The following OR2J2 variants were observed in gnomAD, a reference collection of about 807,000 sequenced individuals.
OR2J2 encodes the protein olfactory receptor 2J2.
OR2J2 carries 13 observed loss-of-function variants against 16.9 expected under a neutral mutation model. The ratio of observed to expected loss-of-function variants is 0.77; its 90% CI spans 0.50 to 1.23. The LOEUF (loss-of-function observed/expected upper bound fraction) is 1.23, where lower values mean the gene tolerates loss of function less well. Ranked by LOEUF, OR2J2 falls within the 50% of genes most tolerant of loss-of-function variation. OR2J2 has a pLI of 0.00. For synonymous variants in OR2J2, 125 were observed against 141.2 expected (o/e 0.89, Z 0.81); for missense variants, 341 against 379.1 (o/e 0.90, Z 0.84).
chr6:29,174,250 C>T lies in OR2J2; in HGVS notation c.615C>T (p.Ser205=). ...AGCTGACCCTCATGGTCATGAGCTC[C>T]ATTTTTGTTCTCATACCTCTCATTC... ...ANELTLMVMS[S]IFVLIPLILI... Residue 205 remains serine, a synonymous_variant, in exon 2 of 2, where the codon TCC becomes TCT. Coordinates refer to ENST00000641417, the MANE Select transcript of OR2J2 (RefSeq NM_030905.3). 1 of 1,613,788 alleles carries T rather than the reference C, an allele frequency of 6.2e-7. No homozygotes were observed. The highest frequency in any genetic ancestry group is 8.5e-7 in the Non-Finnish European group (1 of 1,179,932).
intron 1 of OR2J2, chr6:29,173,371 T>C (rs1296868924): frequency 3.4e-5 from 13 of 385,690 alleles, no homozygotes; most frequent in Admixed American, 2.0e-4. Flanking sequence ...TGGACTATCT[T>C]AGTCTTCATT....
rs1168744281 is a variant in OR2J2 at position 29,173,994 on chromosome 6, C to T, written c.359C>T (p.Ser120Leu). The T allele has an allele frequency of 6.8e-6, 11 of 1,612,352 alleles. No homozygotes were observed. The highest frequency in any genetic ancestry group is 1.3e-5 in the African/African-American group (1 of 74,436). The change falls in exon 2 of 2, where the codon TCA becomes TTA. Residue 120 changes from serine to leucine, a missense_variant. Transcript: ENST00000641417. ...ITECVLLVVM[S>L]YDRYVAVCRP... The stretch of plus-strand genomic sequence containing the variant: ...GAGTGTGTCCTACTGGTGGTGATGT[C>T]ATATGATCGTTATGTAGCTGTGTGT...
At chr6:29,171,483 A>G (rs980644994) in intron 1 of OR2J2, among the ~76,000 whole-genome samples, 7 of 152,094 alleles carry the variant, frequency 4.6e-5, no homozygotes, top group African/African-American at 1.7e-4. Context: ...ATTTTATTCT[A>G]CAACTCATAA....
At position 29,175,189 on chromosome 6, in the gene OR2J2, C is replaced by T. The variant is rs1358607563; in HGVS notation, c.*615C>T. Reference sequence around the variant, plus strand: ...AAACTAATATCTCTTTAAAATGGCTCTTTCGTTCATCTGTCCATTTATTCA... The same window carrying T: ...AAACTAATATCTCTTTAAAATGGCTTTTTCGTTCATCTGTCCATTTATTCA... On this transcript the variant is annotated 3_prime_UTR_variant, in exon 2 of 2. Transcript: ENST00000641417. The T allele has an allele frequency of 6.6e-6, 1 of 152,144 alleles. No homozygotes were observed. Among genetic ancestry groups the T allele is most frequent in the Non-Finnish European group, 1.5e-5 (1 of 68,048 alleles). 9.4% of individuals were successfully genotyped at this position (152,144 alleles called of 1,614,324 possible).
intron 1 of OR2J2, among the ~76,000 whole-genome samples, chr6:29,172,043 G>C (rs116348888): frequency 0.012 from 1,805 of 152,118 alleles, 17 homozygotes; most frequent in African/African-American, 0.02. Flanking sequence ...AACACTGAAG[G>C]TGAGTCGGGT....
intron 1 of OR2J2, among the ~76,000 whole-genome samples, chr6:29,172,871 A>G (rs1361869840): frequency 2.6e-5 from 4 of 152,196 alleles, no homozygotes; most frequent in Middle Eastern, 3.4e-3. Context: ...ACCTCTCTTC[A>G]CTGTTGTGCA....
intron 1 of OR2J2, among the ~76,000 whole-genome samples, chr6:29,172,854 C>T (rs1467875602): frequency 6.6e-6 from 1 of 152,170 alleles, no homozygotes; most frequent in African/African-American, 2.4e-5. Flanking sequence ...TCGCATACCA[C>T]ATTCAGACCT....
At position 29,174,597 on chromosome 6, in the gene OR2J2, G is replaced by A; in HGVS notation, c.*23G>A. ...TGACAGGGAAATCATGTTGTCTGTT[G>A]TCATTGTTTTTCCTAGGGTCTTAGC... On this transcript the variant is annotated 3_prime_UTR_variant, in exon 2 of 2. Coordinates refer to ENST00000641417, the MANE Select transcript of OR2J2 (RefSeq NM_030905.3). 1.3e-6 allele frequency: 2 copies of A among 1,551,194 alleles called. No individual in the cohort carries two copies. The highest frequency in any genetic ancestry group is 1.7e-6 in the Non-Finnish European group (2 of 1,148,436).
In OR2J2 at chr6:29,174,393, T is replaced by A; in HGVS notation, c.758T>A (p.Phe253Tyr). 6.2e-7 allele frequency: 1 copy of A among 1,613,992 alleles called. No homozygotes were observed. Among genetic ancestry groups the A allele is most frequent in the Non-Finnish European group, 8.5e-7 (1 of 1,180,004 alleles). Residue 253 changes from phenylalanine (F) to tyrosine (Y), a missense_variant, in exon 2 of 2, where the codon TTC (phenylalanine) becomes TAC (tyrosine). Coordinates refer to ENST00000641417, the MANE Select transcript of OR2J2 (RefSeq NM_030905.3). The part of the protein sequence containing the change: ...GAHLMVVSLF[F>Y]IPVMCMYLQP... ...CATCTTATGGTTGTATCTCTCTTTT[T>A]CATTCCAGTCATGTGCATGTATCTC... is the stretch of plus-strand genomic sequence containing the variant.
intron 1 of OR2J2, among the ~76,000 whole-genome samples, chr6:29,172,758 T>A (rs1479695677): frequency 6.6e-6 from 1 of 152,170 alleles, no homozygotes; most frequent in Non-Finnish European, 1.5e-5. Context: ...GTTCAGTTAT[T>A]GGCCTAAAGC....
rs1269968203 is a variant in OR2J2 at position 29,174,291 on chromosome 6, A to G, written c.656A>G (p.Tyr219Cys). ...LIPLILILTT[Y>C]GAIARAVLSM... ...CCTCTCATTCTCATTCTCACTACCTATGGTGCCATTGCCCGGGCTGTACTG... is the reference window on the plus strand; with the variant it reads ...CCTCTCATTCTCATTCTCACTACCTGTGGTGCCATTGCCCGGGCTGTACTG... The change falls in exon 2 of 2, where the codon TAT becomes TGT. Residue 219 changes from tyrosine to cysteine, a missense_variant. Coordinates refer to ENST00000641417, the MANE Select transcript of OR2J2 (RefSeq NM_030905.3). The G allele has an allele frequency of 6.2e-6, 10 of 1,613,568 alleles. No individual in the cohort carries two copies. In the Admixed American group the frequency reaches 8.3e-5, roughly 13 times the overall value.
chr6:29,173,675 A>G lies in OR2J2; in HGVS notation c.40A>G (p.Ile14Val). ...AAATGCAAGTTCGGAAGACTTCTTT[A>G]TTCTACTTGGATTTTCTAATTGGCC... ...KKNASSEDFF[I>V]LLGFSNWPQL... Residue 14 changes from isoleucine (I) to valine (V), a missense_variant, in exon 2 of 2, where the codon ATT (isoleucine) becomes GTT (valine). By Grantham distance (29) the Ile-to-Val change is conservative. Coordinates refer to ENST00000641417, the MANE Select transcript of OR2J2 (RefSeq NM_030905.3). The G allele has an allele frequency of 1.2e-6, 2 of 1,611,598 alleles. No homozygotes were observed. Among genetic ancestry groups the G allele is most frequent in the Non-Finnish European group, 1.7e-6 (2 of 1,179,358 alleles).
intron 1 of OR2J2, 99 bp from the exon 2 acceptor site, chr6:29,173,520 C>A: frequency 1.4e-6 from 1 of 729,620 alleles, no homozygotes; most frequent in Non-Finnish European, 2.3e-6. Context: ...TTATGGTGCA[C>A]ACTCTCTGGA....
chr6:29,174,371 C>G lies in OR2J2; in HGVS notation c.736C>G (p.Leu246Val). Residue 246 changes from leucine to valine, a missense_variant, in exon 2 of 2, where the codon CTT becomes GTT. Coordinates refer to ENST00000641417, the MANE Select transcript of OR2J2 (RefSeq NM_030905.3). ...AGTGTTTAGGACATGTGGAGCCCAT[C>G]TTATGGTTGTATCTCTCTTTTTCAT... ...QKVFRTCGAH[L>V]MVVSLFFIPV... 6.2e-7 allele frequency: 1 copy of G among 1,613,896 alleles called. No homozygotes were observed. The highest frequency in any genetic ancestry group is 8.5e-7 in the Non-Finnish European group (1 of 1,179,966).
intron 1 of OR2J2, among the ~76,000 whole-genome samples, 178 bp downstream of exon 1, chr6:29,171,283 T>G (rs1261696372): frequency 6.6e-6 from 1 of 152,072 alleles, no homozygotes; most frequent in African/African-American, 2.4e-5. Flanking sequence ...ATCAAAACAT[T>G]ACAGTGTACT....
At chr6:29,173,058 C>T (rs937003970) in intron 1 of OR2J2, among the ~76,000 whole-genome samples, 9 of 152,004 alleles carry the variant, frequency 5.9e-5, no homozygotes, top group Admixed American at 3.3e-4. Flanking sequence ...TTGGTGTGTG[C>T]GTGCATATTC....
chr6:29,171,155 A>G (rs575166778), intron 1 of OR2J2, 50 bp downstream of exon 1: 2 of 152,140 alleles, frequency 1.3e-5, no homozygotes, highest in Non-Finnish European at 2.9e-5. Context: ...GACAGCTTCC[A>G]TATTTCAAAA....
chr6:29,173,503 A>G, intron 1 of OR2J2, 116 bp from the exon 2 acceptor site: 2 of 644,570 alleles, frequency 3.1e-6, no homozygotes, highest in Non-Finnish European at 5.4e-6. Context: ...TAAAAATTCT[A>G]CTACCATTAT....
Position 29,174,540 on chromosome 6 carries a change from C to A in OR2J2, c.905C>A (p.Ala302Glu). 1 of 1,612,086 alleles carries A rather than the reference C, an allele frequency of 6.2e-7. No individual in the cohort carries two copies. Among genetic ancestry groups the A allele is most frequent in the Non-Finnish European group, 8.5e-7 (1 of 1,179,248 alleles). The change falls in exon 2 of 2, where the codon GCG (alanine) becomes GAG (glutamate). Residue 302 changes from alanine (A) to glutamate (E), a missense_variant. Ala to Glu is a moderately radical substitution (Grantham distance 107, BLOSUM62 -1). Transcript: ENST00000641417. Reference protein sequence around the residue: ...TLRNKHVKGAAKRLLGWEWGK With the variant: ...TLRNKHVKGAEKRLLGWEWGK ...AGAAACAAGCATGTAAAAGGGGCAG[C>A]GAAGAGACTATTGGGGTGGGAGTGG...
Sources: gnomAD v4.1 joint callset for allele counts (sites outside exome capture counted in the v4.1 genomes callset) on GRCh38, gnomAD v4.1.1 for gene constraint, MANE v1.5 for transcripts, NCBI Gene and HGNC (gene_info 2026-07-23, HGNC 2026-07-21) for gene names.